The following CAMK1D variants were observed in gnomAD, a reference collection of about 807,000 sequenced individuals.
CAMK1D encodes the protein calcium/calmodulin dependent protein kinase ID.
A neutral mutation model predicts 47.7 loss-of-function variants in CAMK1D; 9 were observed. That is an observed-to-expected ratio of 0.19 (90% CI 0.11 to 0.33). CAMK1D has a LOEUF of 0.33. Ranked by LOEUF, CAMK1D falls within the 10% of genes least tolerant of loss-of-function variation. The pLI, the probability that CAMK1D is intolerant of heterozygous loss-of-function variation, is 1.00. For synonymous variants in CAMK1D, 184 were observed against 184.9 expected (o/e 0.99, Z 0.04); for missense variants, 291 against 488.7 (o/e 0.60, Z 3.81).
chr10:12,811,359 C>G (rs567834420), intron 6 of CAMK1D, among the ~76,000 whole-genome samples: 1 of 152,236 alleles, frequency 6.6e-6, no homozygotes, highest in African/African-American at 2.4e-5. Flanking sequence ...GTTAGATCAC[C>G]TCCACACAAA....
At chr10:12,448,265 T>G (rs1159157413) in intron 1 of CAMK1D, among the ~76,000 whole-genome samples, 1 of 152,210 alleles carries the variant, frequency 6.6e-6, no homozygotes, top group Non-Finnish European at 1.5e-5. Context: ...CCTCAAGTGA[T>G]CCTCCTGCCT....
chr10:12,702,339 G>A (rs1833554656), intron 3 of CAMK1D, among the ~76,000 whole-genome samples: 1 of 152,192 alleles, frequency 6.6e-6, no homozygotes, highest in South Asian at 2.1e-4. Flanking sequence ...CTAAGCCCCT[G>A]TTAAATATGC....
chr10:12,761,117 C>A (rs1471843151), intron 4 of CAMK1D, 31 bp downstream of exon 4: 1 of 1,607,124 alleles, frequency 6.2e-7, no homozygotes, highest in African/African-American at 1.3e-5. Flanking sequence ...CATCCTGCAG[C>A]CACTCTGCAG....
At chr10:12,573,831 C>CTTTTTTTTTTTTTTTTTTTTTTTT (rs34038018) in intron 2 of CAMK1D, among the ~76,000 whole-genome samples, 3 of 64,076 alleles carry the variant, frequency 4.7e-5, no homozygotes, top group African/African-American at 1.6e-4. Context: ...ATTAAAAAAA[C>CTTTTTTTTTTTTTTTTTTTTTTTT]TTTTTTTTTT....
At chr10:12,579,712 C>T (rs968067974) in intron 2 of CAMK1D, among the ~76,000 whole-genome samples, 1 of 152,174 alleles carries the variant, frequency 6.6e-6, no homozygotes, top group South Asian at 2.1e-4. Flanking sequence ...AAACATGAAG[C>T]CTTCCGGACC....
chr10:12,711,769 C>T (rs1374919998), intron 3 of CAMK1D, among the ~76,000 whole-genome samples: 1 of 152,136 alleles, frequency 6.6e-6, no homozygotes, highest in African/African-American at 2.4e-5. Context: ...CTGTCTACAC[C>T]CTGTTTTTAC....
At chr10:12,721,163 G>A (rs1431824902) in intron 3 of CAMK1D, among the ~76,000 whole-genome samples, 1 of 152,208 alleles carries the variant, frequency 6.6e-6, no homozygotes, top group Non-Finnish European at 1.5e-5. Flanking sequence ...AGAGAAGCTT[G>A]GACGTACAGA....
At chr10:12,721,525 CATCCATCCATCCATCCATCT>C (rs1029626129) in intron 3 of CAMK1D, among the ~76,000 whole-genome samples, 7 of 151,960 alleles carry the variant, frequency 4.6e-5, no homozygotes, top group East Asian at 1.9e-4. Flanking sequence ...TCCATCCATC[CATCCATCCATCCATCCATCT>C]ATCCATCCAT....
At chr10:12,479,906 C>T (rs1834012468) in intron 1 of CAMK1D, among the ~76,000 whole-genome samples, 1 of 152,190 alleles carries the variant, frequency 6.6e-6, no homozygotes, top group East Asian at 1.9e-4. Context: ...GTCCACAGTT[C>T]TCAACGACGT....
At chr10:12,500,378 T>C (rs1044121738) in intron 1 of CAMK1D, among the ~76,000 whole-genome samples, 3 of 152,228 alleles carry the variant, frequency 2.0e-5, no homozygotes, top group Non-Finnish European at 2.9e-5. Context: ...GGGCTTGGCT[T>C]ACCTCTTCTT....
chr10:12,745,665 T>C (rs1835638317), intron 3 of CAMK1D, among the ~76,000 whole-genome samples: 1 of 151,824 alleles, frequency 6.6e-6, no homozygotes, highest in Non-Finnish European at 1.5e-5. Flanking sequence ...TGCAATGGTG[T>C]GATCTCAGCT....
intron 1 of CAMK1D, among the ~76,000 whole-genome samples, chr10:12,522,507 G>C (rs1240057023): frequency 6.6e-6 from 1 of 151,614 alleles, no homozygotes; most frequent in East Asian, 1.9e-4. Context: ...AGAGCACAGG[G>C]TTGGGGGCAA....
At chr10:12,663,984 A>G (rs570008623) in intron 2 of CAMK1D, among the ~76,000 whole-genome samples, 33 of 152,296 alleles carry the variant, frequency 2.2e-4, no homozygotes, top group African/African-American at 7.5e-4. Flanking sequence ...CTTAAGAGAC[A>G]TTAAGAGGCC....
chr10:12,620,587 A>G (rs1413653674), intron 2 of CAMK1D, among the ~76,000 whole-genome samples: 1 of 152,186 alleles, frequency 6.6e-6, no homozygotes, highest in African/African-American at 2.4e-5. Context: ...ATGTCGCTTC[A>G]TGTCTTTTGC....
chr10:12,415,455 A>T (rs1242953971), intron 1 of CAMK1D, among the ~76,000 whole-genome samples: 4 of 93,138 alleles, frequency 4.3e-5, no homozygotes, highest in Admixed American at 1.3e-4. Flanking sequence ...CGCCTGGCTA[A>T]TTTTTTTTTT....
chr10:12,397,321 G>A (rs528571547), intron 1 of CAMK1D, among the ~76,000 whole-genome samples: 18 of 152,298 alleles, frequency 1.2e-4, no homozygotes, highest in African/African-American at 4.3e-4. Context: ...GGTTCCGTCT[G>A]CTTTGTGTGT....
intron 3 of CAMK1D, among the ~76,000 whole-genome samples, chr10:12,744,451 G>A (rs1588877521): frequency 6.7e-6 from 1 of 149,598 alleles, no homozygotes; most frequent in Non-Finnish European, 1.5e-5. Flanking sequence ...CCAGCAATGG[G>A]TGAGGTTCCA....
chr10:12,531,243 A>G (rs574887158), intron 1 of CAMK1D, among the ~76,000 whole-genome samples: 1 of 152,258 alleles, frequency 6.6e-6, no homozygotes, highest in South Asian at 2.1e-4. Flanking sequence ...CAGTTTGATG[A>G]TGATATGCTG....
At chr10:12,507,240 G>A (rs1834903402) in intron 1 of CAMK1D, among the ~76,000 whole-genome samples, 1 of 152,202 alleles carries the variant, frequency 6.6e-6, no homozygotes, top group African/African-American at 2.4e-5. Flanking sequence ...TACACGGAGT[G>A]GAGAAACACA....
Sources: gnomAD v4.1 joint callset for allele counts (sites outside exome capture counted in the v4.1 genomes callset) on GRCh38, gnomAD v4.1.1 for gene constraint, MANE v1.5 for transcripts, NCBI Gene and HGNC (gene_info 2026-07-23, HGNC 2026-07-21) for gene names.